Variants in ERI1 observed in about 807,000 individuals in gnomAD.
The protein encoded by ERI1 is 3'-5' exoribonuclease 1.
ERI1 carries 39 observed loss-of-function variants against 39.7 expected under a neutral mutation model. The observed-to-expected ratio is 0.98, with a 90% CI of 0.76 to 1.28. The LOEUF is 1.28. Among genes scored for constraint, ERI1 ranks in the 50% most tolerant of loss-of-function variants. The probability of loss-of-function intolerance (pLI) is 0.00; values close to 1 mark genes in which losing one functional copy is unlikely to be tolerated. For synonymous variants in ERI1, 204 were observed against 149.6 expected, an observed-to-expected ratio of 1.36 and a Z score of -2.65; for missense variants, 581 against 416.9, an observed-to-expected ratio of 1.39 and a Z score of -3.43.
chr8:9,015,917 T>G (rs1817221972), intron 3 of ERI1, among the ~76,000 whole-genome samples: 1 of 152,138 alleles, frequency 6.6e-6, no homozygotes, highest in African/African-American at 2.4e-5. Flanking sequence ...GAAAAATAGT[T>G]TAAAGCTAAT....
intron 3 of ERI1, among the ~76,000 whole-genome samples, chr8:9,063,806 T>C (rs1198568459): frequency 1.3e-5 from 2 of 152,150 alleles, no homozygotes; most frequent in Non-Finnish European, 2.9e-5. Flanking sequence ...GAGTTTATAC[T>C]GGGGTCAAGT....
intron 3 of ERI1, among the ~76,000 whole-genome samples, chr8:9,070,764 C>G (rs1333787316): frequency 6.6e-6 from 1 of 152,182 alleles, no homozygotes; most frequent in Admixed American, 6.5e-5. Context: ...GTCTGTGGAT[C>G]AAAGTAAAAA....
chr8:9,039,377 C>T (rs1015668845), intron 3 of ERI1, among the ~76,000 whole-genome samples: 12 of 152,130 alleles, frequency 7.9e-5, no homozygotes, highest in Non-Finnish European at 1.5e-4. Context: ...ATATCCATGT[C>T]ATGAATCAAA....
At chr8:9,057,599 T>A (rs1798549663) in intron 3 of ERI1, among the ~76,000 whole-genome samples, 1 of 152,204 alleles carries the variant, frequency 6.6e-6, no homozygotes, top group South Asian at 2.1e-4. Context: ...CCAGACACTA[T>A]TTTAGGCCTG....
At chr8:9,018,222 T>G (rs560473546) in intron 4 of ERI1, 75 bp from the exon 5 acceptor site, 7 of 752,846 alleles carry the variant, frequency 9.3e-6, no homozygotes, top group Admixed American at 4.9e-5. Context: ...CCCCTCCAAC[T>G]TAGGTCTGGG....
chr8:9,059,493 T>A (rs1295583014), intron 3 of ERI1, among the ~76,000 whole-genome samples: 1 of 151,984 alleles, frequency 6.6e-6, no homozygotes, highest in African/African-American at 2.4e-5. Flanking sequence ...AGGAAGATTT[T>A]GTGGAAAGGG....
chr8:9,005,064 T>C (rs73522594), intron 1 of ERI1, among the ~76,000 whole-genome samples: 6,651 of 152,308 alleles, frequency 0.044, 411 homozygotes, highest in African/African-American at 0.13. Context: ...TCTCTAATGC[T>C]AGTTGTCTTT....
At chr8:9,013,700 CT>C (rs1233462599) in intron 3 of ERI1, among the ~76,000 whole-genome samples, 3 of 152,144 alleles carry the variant, frequency 2.0e-5, no homozygotes, top group Non-Finnish European at 4.4e-5. Flanking sequence ...ACCTTTTGAA[CT>C]TACCCCAGCC....
intron 3 of ERI1, among the ~76,000 whole-genome samples, chr8:9,055,246 TTTGA>T (rs1369633561): frequency 2.6e-5 from 4 of 152,222 alleles, no homozygotes; most frequent in Non-Finnish European, 5.9e-5. Context: ...GTTGGCCACA[TTTGA>T]TTGGCCAAAA....
rs745987348 is a variant in ERI1, at chr8:9,008,123, CT to C, written c.265del (p.Ser89GlnfsTer10). On this transcript the variant is annotated frameshift_variant, in exon 2 of 7. Coordinates refer to ENST00000250263, the MANE Select transcript of ERI1 (RefSeq NM_153332.4). LOFTEE classifies it high-confidence loss of function. ...GAGTAAGGAAGAACTCAGAGCTAAGCTTTCAGAATTCAAGCTTGAAACTAGG... is the reference window on the plus strand; with the variant it reads ...GAGTAAGGAAGAACTCAGAGCTAAGCTTCAGAATTCAAGCTTGAAACTAGG... Reference protein sequence around the residue: ...RMSKEELRAKLSEFKLETRGV... With the variant: ...RMSKEELRAKXSEFKLETRGV... The C allele has an allele frequency of 3.1e-6, 5 of 1,593,518 alleles. No individual in the cohort carries two copies. The highest frequency in any genetic ancestry group is 2.6e-6 in the Non-Finnish European group (3 of 1,172,548).
At chr8:9,042,810 T>A (rs1323474448) in intron 3 of ERI1, among the ~76,000 whole-genome samples, 1 of 152,174 alleles carries the variant, frequency 6.6e-6, no homozygotes, top group Non-Finnish European at 1.5e-5. Context: ...ATAATACGGA[T>A]ATTCCAAGAT....
intron 6 of ERI1, among the ~76,000 whole-genome samples, chr8:9,023,933 G>C (rs540654860): frequency 5.3e-4 from 81 of 151,414 alleles, no homozygotes; most frequent in African/African-American, 1.9e-3. Flanking sequence ...CGAGTAGCTG[G>C]GATTACAGGC....
intron 5 of ERI1, among the ~76,000 whole-genome samples, chr8:9,019,897 A>G (rs1223134093): frequency 6.6e-6 from 1 of 152,210 alleles, no homozygotes; most frequent in Non-Finnish European, 1.5e-5. Flanking sequence ...GTCCTTAACT[A>G]CAATAAATTG....
At chr8:9,029,423 G>A (rs973724353) in intron 6 of ERI1, among the ~76,000 whole-genome samples, 1 of 152,126 alleles carries the variant, frequency 6.6e-6, no homozygotes, top group Non-Finnish European at 1.5e-5. Flanking sequence ...CCACCTCCCA[G>A]GTTCAGGCAG....
intron 3 of ERI1, among the ~76,000 whole-genome samples, chr8:9,097,929 A>G (rs1212211797): frequency 6.6e-6 from 1 of 152,238 alleles, no homozygotes; most frequent in Admixed American, 6.5e-5. Flanking sequence ...ACCATGGAAT[A>G]CTACTCAGTC....
intron 6 of ERI1, 88 bp from the exon 7 acceptor site, chr8:9,029,704 T>A: frequency 1.3e-6 from 2 of 1,491,620 alleles, no homozygotes; most frequent in Non-Finnish European, 9.2e-7. Flanking sequence ...TAGTGCTAAT[T>A]TTCAGTTTCT....
rs772500409 is a variant in ERI1, at chr8:9,020,454, A to G, written c.797A>G (p.Asn266Ser). 2 of 1,588,760 alleles carry G rather than the reference A, an allele frequency of 1.3e-6. No individual in the cohort carries two copies. Among genetic ancestry groups the G allele is most frequent in the Non-Finnish European group, 1.7e-6 (2 of 1,166,846 alleles). The change falls in exon 6 of 7, where the codon AAT becomes AGT. Residue 266 changes from asparagine (N) to serine (S), a missense_variant. Transcript: ENST00000250263. ...KWINIRKSYG[N>S]FYKVPRSQTK... is the part of the protein sequence containing the mutation. ...ATCAATATTCGGAAGTCATATGGAA[A>G]TTTTTACAAGGTAAAATTTCTATAT...
chr8:9,064,090 A>T (rs979913262), intron 3 of ERI1, among the ~76,000 whole-genome samples: 3 of 151,684 alleles, frequency 2.0e-5, no homozygotes, highest in African/African-American at 7.3e-5. Flanking sequence ...TGTGGAAATA[A>T]GGGGTCAGGG....
At chr8:9,025,705 TGTG>T (rs1818405710) in intron 6 of ERI1, among the ~76,000 whole-genome samples, 4 of 146,966 alleles carry the variant, frequency 2.7e-5, no homozygotes, top group African/African-American at 1.0e-4. Context: ...TTTTTTTTTG[TGTG>T]TGTGTGTGTG....
Sources: allele counts gnomAD v4.1 joint callset (sites outside exome capture counted in the v4.1 genomes callset), GRCh38; gene constraint gnomAD v4.1.1; transcripts MANE v1.5; gene names NCBI Gene and HGNC (gene_info 2026-07-23, HGNC 2026-07-21).